The following MECOM variants were observed in gnomAD, a reference collection of about 807,000 sequenced individuals.
The protein encoded by MECOM is MDS1 and EVI1 complex locus.
Under a neutral mutation model 116.3 loss-of-function variants are expected in MECOM, and 13 were observed. The observed-to-expected ratio is 0.11, with a 90% confidence interval of 0.07 to 0.18. MECOM has a LOEUF of 0.18. Ranked by LOEUF, MECOM falls within the 10% of genes least tolerant of loss-of-function variation. MECOM has a pLI of 1.00. For synonymous variants in MECOM, 528 were observed against 535.2 expected, an observed-to-expected ratio of 0.99 and a Z score of 0.19; for missense variants, 1,299 against 1,509.0, an observed-to-expected ratio of 0.86 and a Z score of 2.31.
At chr3:169,612,714 A>C (rs138827616) in intron 1 of MECOM, among the ~76,000 whole-genome samples, 230 of 152,280 alleles carry the variant, frequency 1.5e-3, no homozygotes, top group African/African-American at 5.1e-3. Flanking sequence ...GCTCTGTTTG[A>C]AACATAGAAC....
chr3:169,646,518 T>C (rs1222352433), intron 1 of MECOM, among the ~76,000 whole-genome samples: 1 of 152,172 alleles, frequency 6.6e-6, no homozygotes, highest in African/African-American at 2.4e-5. Flanking sequence ...CTCATTAGGC[T>C]TTCCTTATCT....
intron 2 of MECOM, among the ~76,000 whole-genome samples, chr3:169,316,674 C>T (rs1043240352): frequency 9.2e-5 from 14 of 152,148 alleles, no homozygotes; most frequent in East Asian, 7.7e-4. Context: ...ACCTCAGCCT[C>T]CCAAGTAGTT....
chr3:169,382,902 C>G (rs1732713074), intron 1 of MECOM, among the ~76,000 whole-genome samples: 1 of 146,496 alleles, frequency 6.8e-6, no homozygotes, highest in Non-Finnish European at 1.5e-5. Flanking sequence ...TGGGTTGCCT[C>G]CAGCTCCATG....
intron 8 of MECOM, among the ~76,000 whole-genome samples, chr3:169,113,985 C>G (rs1242270925): frequency 6.6e-6 from 1 of 151,864 alleles, no homozygotes; most frequent in East Asian, 1.9e-4. Context: ...TGTTGGAGAT[C>G]ACAGTGAGTA....
intron 2 of MECOM, among the ~76,000 whole-genome samples, chr3:169,315,363 A>G (rs1719550901): frequency 6.6e-6 from 1 of 152,198 alleles, no homozygotes; most frequent in African/African-American, 2.4e-5. Context: ...CTTCATTCGG[A>G]TATATCTGTT....
At chr3:169,513,887 C>T (rs1366299428) in intron 1 of MECOM, among the ~76,000 whole-genome samples, 1 of 152,152 alleles carries the variant, frequency 6.6e-6, no homozygotes, top group Non-Finnish European at 1.5e-5. Flanking sequence ...AAAATAACTG[C>T]CTGCTCTTTT....
At chr3:169,153,474 A>T (rs1056661244) in intron 2 of MECOM, among the ~76,000 whole-genome samples, 1 of 152,192 alleles carries the variant, frequency 6.6e-6, no homozygotes, top group African/African-American at 2.4e-5. Flanking sequence ...ACTTCGGACT[A>T]AATTAGTGAG....
intron 2 of MECOM, 38 bp from the exon 3 acceptor site, chr3:169,143,870 T>C (rs777625138): frequency 5.8e-6 from 9 of 1,540,418 alleles, no homozygotes; most frequent in Admixed American, 2.0e-5. Flanking sequence ...ATTGCCATAT[T>C]GGCCCACTCA....
At chr3:169,337,633 C>T (rs1181060682) in intron 2 of MECOM, among the ~76,000 whole-genome samples, 1 of 152,138 alleles carries the variant, frequency 6.6e-6, no homozygotes, top group Non-Finnish European at 1.5e-5. Flanking sequence ...GCTTCATGGA[C>T]AAAGTCCCTG....
Position 169,209,696 on chromosome 3 carries a change from A to G in MECOM, c.376-65864T>C, listed in dbSNP as rs1750452374. On this transcript the variant is annotated intron_variant, in intron 2 of 16. Transcript: ENST00000651503. ...TCAGAATGGCAATTATTAAAAAGTC[A>G]AGAAACAATAGATGCTGGTGAGGCT... 2.0e-5 allele frequency among the ~76,000 whole-genome samples: 3 copies of G among 152,308 alleles called. No individual in the cohort carries two copies. In the South Asian group the frequency reaches 6.2e-4, roughly 32 times the overall value.
intron 2 of MECOM, among the ~76,000 whole-genome samples, chr3:169,342,327 A>T (rs968512656): frequency 2.7e-4 from 41 of 152,112 alleles, no homozygotes; most frequent in African/African-American, 9.6e-4. Flanking sequence ...TTTTAACTAC[A>T]CATGAAATAA....
intron 5 of MECOM, among the ~76,000 whole-genome samples, chr3:169,123,123 A>G (rs1267114487): frequency 1.3e-5 from 2 of 151,768 alleles, no homozygotes; most frequent in Admixed American, 6.6e-5. Flanking sequence ...CTCACAATTA[A>G]GTGAGTAGTC....
chr3:169,419,973 G>A (rs201589021), intron 1 of MECOM, among the ~76,000 whole-genome samples: 7 of 152,160 alleles, frequency 4.6e-5, no homozygotes, highest in Non-Finnish European at 8.8e-5. Flanking sequence ...CTTCTCAAAA[G>A]AAGACATTTA....
intron 2 of MECOM, among the ~76,000 whole-genome samples, chr3:169,223,851 C>A (rs369665028): frequency 5.9e-5 from 9 of 152,184 alleles, no homozygotes; most frequent in African/African-American, 2.2e-4. Context: ...CTCTATTCTT[C>A]CTCAAGTTCC....
intron 1 of MECOM, among the ~76,000 whole-genome samples, chr3:169,469,256 G>A (rs1025303339): frequency 3.3e-5 from 5 of 152,118 alleles, no homozygotes; most frequent in African/African-American, 4.8e-5. Context: ...AGCAGAACAA[G>A]CAGTATAAGA....
intron 1 of MECOM, among the ~76,000 whole-genome samples, chr3:169,532,299 C>T (rs540924589): frequency 4.2e-4 from 64 of 152,286 alleles, no homozygotes; most frequent in African/African-American, 1.5e-3. Flanking sequence ...CCAGGGATCA[C>T]GCTTTGAGAA....
intron 1 of MECOM, among the ~76,000 whole-genome samples, chr3:169,567,645 A>G (rs919464834): frequency 6.6e-6 from 1 of 152,216 alleles, no homozygotes; most frequent in Non-Finnish European, 1.5e-5. Context: ...GATGATGATG[A>G]CGCAGTGGCT....
intron 4 of MECOM, 64 bp from the exon 5 acceptor site, chr3:169,128,124 C>A: frequency 6.9e-7 from 1 of 1,443,772 alleles, no homozygotes; most frequent in Non-Finnish European, 9.7e-7. Context: ...ACCAGCCAAT[C>A]TTACCAAATT....
chr3:169,285,224 C>A (rs1713032377), intron 2 of MECOM, among the ~76,000 whole-genome samples: 1 of 152,174 alleles, frequency 6.6e-6, no homozygotes, highest in Non-Finnish European at 1.5e-5. Flanking sequence ...GGTGGACAGG[C>A]AGCACAGACA....
Sources: allele counts gnomAD v4.1 joint callset (sites outside exome capture counted in the v4.1 genomes callset), GRCh38; gene constraint gnomAD v4.1.1; transcripts MANE v1.5; gene names NCBI Gene and HGNC (gene_info 2026-07-23, HGNC 2026-07-21).